The following PCDHA6 variants were observed in gnomAD, a reference collection of about 807,000 sequenced individuals.
PCDHA6 encodes protocadherin alpha-6.
A neutral mutation model predicts 60.3 loss-of-function variants in PCDHA6; 55 were observed. The ratio of observed to expected loss-of-function variants is 0.91; its 90% confidence interval spans 0.73 to 1.14. The LOEUF (loss-of-function observed/expected upper bound fraction) is 1.14, where lower values mean the gene tolerates loss of function less well. Ranked by LOEUF, PCDHA6 falls within the 50% of genes most tolerant of loss-of-function variation. PCDHA6 has a pLI of 0.00. For synonymous variants in PCDHA6, 652 were observed against 557.9 expected (o/e 1.17, Z -2.38); for missense variants, 1,327 against 1,256.5 (o/e 1.06, Z -0.85).
intron 1 of PCDHA6, among the ~76,000 whole-genome samples, chr5:140,915,919 AC>A (rs1449299766): frequency 6.6e-6 from 1 of 152,102 alleles, no homozygotes; most frequent in Non-Finnish European, 1.5e-5. Flanking sequence ...CAGAGATGCT[AC>A]TTGGGAGTCA....
Position 140,982,498 on chromosome 5 carries a change from G to A in PCDHA6, c.2477G>A (p.Gly826Asp), listed in dbSNP as rs782347331. The change falls in exon 3 of 4, where the codon GGC becomes GAC. Residue 826 changes from glycine to aspartate, a missense_variant. By Grantham distance (94) the Gly-to-Asp change is moderately conservative. Transcript: ENST00000529310. ...AGCTCTGTGCACCTAGAGGAGGCTG[G>A]CATTCTACGGGCTGGTCCAGGAGGG... Reference protein sequence around the residue: ...MHSSVHLEEAGILRAGPGGPD... With the variant: ...MHSSVHLEEADILRAGPGGPD... 6 of 1,614,062 alleles carry A rather than the reference G, an allele frequency of 3.7e-6. No homozygotes were observed. The Admixed American group carries it at 5.0e-5, about 13-fold the overall frequency.
At position 140,850,723 on chromosome 5, in the gene PCDHA6, G is replaced by T. The variant is rs2150495847; in HGVS notation, c.2394+20238G>T. 3.1e-5 allele frequency: 49 copies of T among 1,597,922 alleles called. 7 individuals carry two copies. The highest frequency in any genetic ancestry group is 4.2e-5 in the Non-Finnish European group (49 of 1,167,668). The stretch of plus-strand genomic sequence containing the variant: ...GGCAAGCCGACGCTGGTGTGTTCTA[G>T]CGCGGTGGGGAGTTGGTCGTACTCG... On this transcript the variant is annotated intron_variant, in intron 1 of 3. Transcript: ENST00000529310.
chr5:140,859,907 T>G (rs982789282), intron 1 of PCDHA6: 3 of 150,386 alleles, frequency 2.0e-5, no homozygotes, highest in African/African-American at 5.0e-5. Context: ...CCTTAATGTC[T>G]TATATTATAA....
intron 1 of PCDHA6, among the ~76,000 whole-genome samples, chr5:140,911,234 C>A (rs1554194655): frequency 6.6e-6 from 1 of 151,890 alleles, no homozygotes; most frequent in South Asian, 2.1e-4. Context: ...TTTCTTCTGG[C>A]AAAAAAAGTT....
intron 1 of PCDHA6, among the ~76,000 whole-genome samples, chr5:140,915,554 G>A (rs1276502641): frequency 6.6e-6 from 1 of 152,036 alleles, no homozygotes; most frequent in Non-Finnish European, 1.5e-5. Context: ...ATAAGATCCA[G>A]AATGATTATC....
chr5:140,858,013 G>T, intron 1 of PCDHA6: 1 of 1,596,968 alleles, frequency 6.3e-7, no homozygotes, highest in Middle Eastern at 1.7e-4. Context: ...ACCATGGCGA[G>T]CCGTCGCTGA....
chr5:140,856,858 AGG>A, intron 1 of PCDHA6: 1 of 1,594,634 alleles, frequency 6.3e-7, no homozygotes, highest in Non-Finnish European at 8.6e-7. Context: ...ATTCGGATGA[AGG>A]AATAAACAAG....
Position 140,841,228 on chromosome 5 carries a change from G to A in PCDHA6, c.2394+10743G>A. On this transcript the variant is annotated intron_variant, in intron 1 of 3. Coordinates refer to ENST00000529310, the MANE Select transcript of PCDHA6 (RefSeq NM_018909.4). ...TCTGTCTCTAAAGGCCGAACAACGG[G>A]AGATGCAGCGGAATTGGATTAAAAG... The A allele has an allele frequency of 7.6e-6, 11 of 1,455,732 alleles. 1 individual carries two copies. In the South Asian group the frequency reaches 1.2e-4, roughly 17 times the overall value. The allele number at this position is 1,455,732 out of a possible 1,614,324, so 90.2% of individuals were successfully genotyped here.
At position 140,842,873 on chromosome 5, in the gene PCDHA6, T is replaced by A. The variant is rs2150346910; in HGVS notation, c.2394+12388T>A. On this transcript the variant is annotated intron_variant, in intron 1 of 3. Coordinates refer to ENST00000529310, the MANE Select transcript of PCDHA6 (RefSeq NM_018909.4). Reference sequence around the variant, plus strand: ...GGTGCACACGGAGAGCGGCAAGGTGTACGCGCTGCAGCCGCTGGACCACGA... The same window carrying A: ...GGTGCACACGGAGAGCGGCAAGGTGAACGCGCTGCAGCCGCTGGACCACGA... 38 of 1,593,718 alleles carry A rather than the reference T, an allele frequency of 2.4e-5. 5 individuals carry two copies. The highest frequency in any genetic ancestry group is 2.3e-4 in the African/African-American group (17 of 74,220).
chr5:140,858,362 C>A, intron 1 of PCDHA6: 1 of 1,591,614 alleles, frequency 6.3e-7, no homozygotes, highest in Non-Finnish European at 8.6e-7. Flanking sequence ...GGCCTTCAGC[C>A]CCAGCCTTCC....
chr5:140,856,535 G>C (rs782625131), intron 1 of PCDHA6: 1 of 1,598,416 alleles, frequency 6.3e-7, no homozygotes, highest in Non-Finnish European at 8.6e-7. Flanking sequence ...GGATGTTGGA[G>C]AGAACGCATT....
At chr5:140,961,652 G>A (rs2095627629) in intron 1 of PCDHA6, among the ~76,000 whole-genome samples, 1 of 152,212 alleles carries the variant, frequency 6.6e-6, no homozygotes, top group Non-Finnish European at 1.5e-5. Context: ...TATGTGGTTA[G>A]TTTGAAGTTA....
chr5:140,851,348 A>G (rs2042033345), intron 1 of PCDHA6: 1 of 977,536 alleles, frequency 1.0e-6, no homozygotes, highest in African/African-American at 1.7e-5. Context: ...ATTTCTCTGG[A>G]TGGAGACTGT....
chr5:140,935,016 T>C (rs997789296), intron 1 of PCDHA6, among the ~76,000 whole-genome samples: 6 of 152,322 alleles, frequency 3.9e-5, no homozygotes, highest in Admixed American at 6.5e-5. Flanking sequence ...TGAGTCTTAA[T>C]AGTCTTTTGA....
At position 140,877,198 on chromosome 5, in the gene PCDHA6, G is replaced by A. The variant is rs781787046; in HGVS notation, c.2394+46713G>A. On this transcript the variant is annotated intron_variant, in intron 1 of 3. Transcript: ENST00000529310. Reference sequence around the variant, plus strand: ...GACTCCGGCTGGCAGCGCAGGAGGCGCAGTTAGCGAGTTGGTACCGCGGTC... The same window carrying A: ...GACTCCGGCTGGCAGCGCAGGAGGCACAGTTAGCGAGTTGGTACCGCGGTC... The A allele has an allele frequency of 1.5e-5, 24 of 1,613,830 alleles. No individual in the cohort carries two copies. The highest frequency in any genetic ancestry group is 7.7e-5 in the South Asian group (7 of 91,064).
intron 3 of PCDHA6, among the ~76,000 whole-genome samples, chr5:141,006,271 G>T (rs2098264486): frequency 6.6e-6 from 1 of 151,918 alleles, no homozygotes; most frequent in Non-Finnish European, 1.5e-5. Context: ...GACTGCAGTG[G>T]CACGATCTCA....
intron 1 of PCDHA6, chr5:140,871,243 C>G (rs1246479266): frequency 6.2e-7 from 1 of 1,613,862 alleles, no homozygotes; most frequent in African/African-American, 1.3e-5. Context: ...GGTACTCACG[C>G]TGCTGCTGTA....
chr5:140,955,284 T>C (rs1207930664), intron 1 of PCDHA6, among the ~76,000 whole-genome samples: 1 of 152,170 alleles, frequency 6.6e-6, no homozygotes, highest in African/African-American at 2.4e-5. Context: ...CATATTGATA[T>C]GGTTTGGCTG....
chr5:140,967,334 A>T, intron 1 of PCDHA6: 1 of 1,608,228 alleles, frequency 6.2e-7, no homozygotes, highest in South Asian at 1.1e-5. Flanking sequence ...GCTCAGCCCC[A>T]GCGAGCACTT....
Sources: allele counts gnomAD v4.1 joint callset (sites outside exome capture counted in the v4.1 genomes callset), GRCh38; gene constraint gnomAD v4.1.1; transcripts MANE v1.5; gene names NCBI Gene and HGNC (gene_info 2026-07-23, HGNC 2026-07-21).